CDH12: variants seen among roughly 807,000 people sequenced by gnomAD.
CDH12 encodes the protein cadherin-12.
Under a neutral mutation model 74.1 loss-of-function variants are expected in CDH12, and 41 were observed. That is an observed-to-expected ratio of 0.55 (90% confidence interval 0.43 to 0.72). CDH12 has a LOEUF of 0.72. CDH12 is among the 30% of genes least tolerant of loss of function. CDH12 has a pLI of 0.00. For missense variants in CDH12, 945 were observed against 977.2 expected (o/e 0.97, Z 0.44); for synonymous variants, 399 against 355.0 (o/e 1.12, Z -1.39).
chr5:22,468,157 CTG>C (rs778612512), intron 2 of CDH12, among the ~76,000 whole-genome samples: 5 of 152,156 alleles, frequency 3.3e-5, no homozygotes, highest in Non-Finnish European at 7.4e-5. Context: ...TTTTGAACAA[CTG>C]GGAAGTACAT....
intron 1 of CDH12, among the ~76,000 whole-genome samples, chr5:22,664,051 A>G (rs1561561231): frequency 6.6e-6 from 1 of 152,222 alleles, no homozygotes; most frequent in Non-Finnish European, 1.5e-5. Context: ...GTGTATTAAC[A>G]TAATGGTAAA....
At chr5:21,922,938 GTATCTA>G (rs10644202) in intron 6 of CDH12, among the ~76,000 whole-genome samples, 3,196 of 145,908 alleles carry the variant, frequency 0.022, 80 homozygotes, top group South Asian at 0.063. Context: ...GTGTGTATGT[GTATCTA>G]TATCTATATC....
chr5:22,801,258 A>T (rs1214612856), intron 1 of CDH12, among the ~76,000 whole-genome samples: 1 of 152,158 alleles, frequency 6.6e-6, no homozygotes, highest in Non-Finnish European at 1.5e-5. Flanking sequence ...CAGTGGTTCC[A>T]TAGACTTTTA....
At chr5:22,411,856 C>G (rs1743184727) in intron 2 of CDH12, among the ~76,000 whole-genome samples, 1 of 151,984 alleles carries the variant, frequency 6.6e-6, no homozygotes, top group Non-Finnish European at 1.5e-5. Context: ...ACTACCTCAT[C>G]AATTTCTCTG....
intron 5 of CDH12, among the ~76,000 whole-genome samples, chr5:22,074,968 C>A: frequency 6.6e-6 from 1 of 151,842 alleles, no homozygotes; most frequent in African/African-American, 2.4e-5. Flanking sequence ...GGGTATATAC[C>A]CAAAGGATTA....
At chr5:22,775,852 C>T (rs1747065782) in intron 1 of CDH12, among the ~76,000 whole-genome samples, 1 of 151,886 alleles carries the variant, frequency 6.6e-6, no homozygotes, top group African/African-American at 2.4e-5. Context: ...TGGGAGGGAC[C>T]CAGGGGGGAG....
chr5:22,057,223 A>G (rs1461945732), intron 5 of CDH12, among the ~76,000 whole-genome samples: 4 of 152,218 alleles, frequency 2.6e-5, no homozygotes, highest in Admixed American at 2.0e-4. Context: ...GTTTCAATAA[A>G]ACTTTATTTA....
At chr5:21,968,013 A>T (rs1410225659) in intron 6 of CDH12, among the ~76,000 whole-genome samples, 1 of 152,222 alleles carries the variant, frequency 6.6e-6, no homozygotes, top group Non-Finnish European at 1.5e-5. Flanking sequence ...CTCTACACCA[A>T]GGAAAATGTA....
rs112013281 is a variant in CDH12, at chr5:22,437,873, A to C, written c.-427-32522T>G. ...ACACCCACAGTTGTAAAAAATCTTA[A>C]CATGTTGACATTTATCTTTGTTAAA... On this transcript the variant is annotated intron_variant, in intron 2 of 14. Coordinates refer to ENST00000382254, the MANE Select transcript of CDH12 (RefSeq NM_004061.5). Among the ~76,000 whole-genome samples the C allele has an allele frequency of 6.3e-3, 963 of 152,208 alleles. 11 individuals are homozygous for C. The highest frequency in any genetic ancestry group is 0.022 in the African/African-American group (921 of 41,578).
chr5:22,755,333 A>G (rs1745835150), intron 1 of CDH12, among the ~76,000 whole-genome samples: 1 of 152,092 alleles, frequency 6.6e-6, no homozygotes, highest in Admixed American at 6.5e-5. Context: ...TTTTTATATC[A>G]TGTTAGTTTC....
intron 1 of CDH12, among the ~76,000 whole-genome samples, chr5:22,643,358 G>T (rs1739251359): frequency 6.6e-6 from 1 of 152,064 alleles, no homozygotes; most frequent in Non-Finnish European, 1.5e-5. Flanking sequence ...GCCTATCATT[G>T]ATTACAAAGA....
intron 2 of CDH12, among the ~76,000 whole-genome samples, chr5:22,446,371 C>CA (rs1744818283): frequency 6.6e-6 from 1 of 152,106 alleles, no homozygotes; most frequent in South Asian, 2.1e-4. Context: ...TTAACCAATA[C>CA]ACATGCTAGT....
chr5:21,785,795 A>G (rs1487602082), intron 10 of CDH12, among the ~76,000 whole-genome samples: 1 of 152,212 alleles, frequency 6.6e-6, no homozygotes, highest in Non-Finnish European at 1.5e-5. Flanking sequence ...TAAAGCAGGA[A>G]GTACTTATGT....
chr5:22,702,125 T>A (rs1742743337), intron 1 of CDH12, among the ~76,000 whole-genome samples: 1 of 152,170 alleles, frequency 6.6e-6, no homozygotes, highest in Non-Finnish European at 1.5e-5. Flanking sequence ...GATAACAGTA[T>A]CTATCGTAGG....
At chr5:22,830,269 A>G (rs556888726) in intron 1 of CDH12, among the ~76,000 whole-genome samples, 1 of 152,170 alleles carries the variant, frequency 6.6e-6, no homozygotes, top group African/African-American at 2.4e-5. Flanking sequence ...TGTTTAATGT[A>G]TTTCTAATAG....
At chr5:22,641,348 A>C (rs1739140895) in intron 1 of CDH12, among the ~76,000 whole-genome samples, 1 of 152,144 alleles carries the variant, frequency 6.6e-6, no homozygotes, top group African/African-American at 2.4e-5. Context: ...GATGGAGAAT[A>C]AGATTGTCTC....
intron 6 of CDH12, among the ~76,000 whole-genome samples, chr5:21,859,975 C>G (rs192482347): frequency 6.6e-6 from 1 of 151,670 alleles, no homozygotes; most frequent in Admixed American, 6.6e-5. Flanking sequence ...ACAATTGGCC[C>G]GGACTCTTCA....
At chr5:22,101,224 AAATTCACAC>A (rs1744121469) in intron 4 of CDH12, among the ~76,000 whole-genome samples, 2 of 152,030 alleles carry the variant, frequency 1.3e-5, no homozygotes, top group South Asian at 4.2e-4. Flanking sequence ...TTACTGAGCA[AAATTCACAC>A]AATTTCATCT....
chr5:21,858,835 C>A (rs1044002275), intron 6 of CDH12, among the ~76,000 whole-genome samples: 8 of 151,860 alleles, frequency 5.3e-5, no homozygotes, highest in African/African-American at 1.9e-4. Context: ...CTTTCCTTTT[C>A]CCCCTAATTT....
Sources: allele counts gnomAD v4.1 joint callset (sites outside exome capture counted in the v4.1 genomes callset), GRCh38; gene constraint gnomAD v4.1.1; transcripts MANE v1.5; gene names NCBI Gene and HGNC (gene_info 2026-07-23, HGNC 2026-07-21).